Variants in HDAC8 observed in about 807,000 individuals in gnomAD.
The protein encoded by HDAC8 is histone deacetylase 8.
HDAC8 carries 1 observed loss-of-function variant against 32.2 expected under a neutral mutation model. That is an observed-to-expected ratio of 0.03 (90% CI 0.01 to 0.15). The LOEUF (loss-of-function observed/expected upper bound fraction) is 0.15, where lower values mean the gene tolerates loss of function less well. Among genes scored for constraint, HDAC8 ranks in the 10% least tolerant of loss-of-function variants. The pLI, the probability that HDAC8 is intolerant of heterozygous loss-of-function variation, is 1.00. For missense variants in HDAC8, 117 were observed against 300.0 expected (o/e 0.39, Z 4.51); for synonymous variants, 108 against 113.9 (o/e 0.95, Z 0.33).
chrX:72,356,482 C>T (rs2044367001), intron 9 of HDAC8, among the ~76,000 whole-genome samples: 1 of 111,999 alleles, frequency 8.9e-6, no homozygotes, highest in Admixed American at 9.4e-5. Context: ...TGTTTTGTTC[C>T]CTGCTGCATT....
chrX:72,431,840 T>C (rs1320075542), intron 9 of HDAC8, among the ~76,000 whole-genome samples: 1 of 112,268 alleles, frequency 8.9e-6, no homozygotes, highest in African/African-American at 3.2e-5. Flanking sequence ...TTACTAAGCA[T>C]TTATCAGCCA....
intron 4 of HDAC8, among the ~76,000 whole-genome samples, chrX:72,539,735 C>T (rs1569385626): frequency 2.7e-5 from 3 of 111,435 alleles, no homozygotes; most frequent in Non-Finnish European, 5.6e-5. Flanking sequence ...ACAAGAGCTC[C>T]GCACCCCCAA....
chrX:72,421,890 A>G (rs183850000), intron 9 of HDAC8, among the ~76,000 whole-genome samples: 1 of 111,980 alleles, frequency 8.9e-6, no homozygotes, highest in East Asian at 2.8e-4. Flanking sequence ...AATGTCTTAC[A>G]TTTTCACTCA....
chrX:72,572,599 G>GGCCCCC, intron 1 of HDAC8, 52 bp downstream of exon 1: 2 of 453,099 alleles, frequency 4.4e-6, no homozygotes, highest in African/African-American at 3.4e-5. Flanking sequence ...TTCGTCCACC[G>GGCCCCC]CCCCCACCCC....
intron 4 of HDAC8, among the ~76,000 whole-genome samples, chrX:72,556,297 G>A (rs1556093132): frequency 2.7e-5 from 3 of 111,300 alleles, no homozygotes; most frequent in African/African-American, 9.8e-5. Context: ...TGAAATAGAA[G>A]CTCCTTAAAG....
intron 7 of HDAC8, among the ~76,000 whole-genome samples, chrX:72,475,946 T>C (rs1180804324): frequency 1.8e-5 from 2 of 111,569 alleles, no homozygotes; most frequent in East Asian, 5.6e-4. Flanking sequence ...GAGTCTATTA[T>C]ATAGAAACAT....
At chrX:72,568,929 C>T (rs919609715) in intron 2 of HDAC8, 45 bp from the exon 3 acceptor site, 1 of 1,150,472 alleles carries the variant, frequency 8.7e-7, no homozygotes, top group Middle Eastern at 2.5e-4. Flanking sequence ...GAGTCAGACC[C>T]AGCGTATGCC....
intron 7 of HDAC8, chrX:72,468,030 G>C: frequency 8.5e-7 from 1 of 1,178,355 alleles, no homozygotes; most frequent in Non-Finnish European, 1.1e-6. Context: ...GTATTGAAAA[G>C]GTTGATAAGA....
chrX:72,423,655 C>T (rs1202951772), intron 9 of HDAC8, among the ~76,000 whole-genome samples: 2 of 112,511 alleles, frequency 1.8e-5, no homozygotes, highest in African/African-American at 6.5e-5. Context: ...CTTCCTTGGA[C>T]AATTTTTTTG....
chrX:72,569,596 G>T lies in HDAC8; in HGVS notation c.165-712C>A, dbSNP rs782025893. Among the ~76,000 whole-genome samples the T allele has an allele frequency of 4.4e-5, 5 of 112,510 alleles. No homozygotes were observed. In the East Asian group the frequency reaches 8.4e-4, roughly 19 times the overall value. On this transcript the variant is annotated intron_variant, in intron 2 of 10. Transcript: ENST00000373573. ...TCTGCCTCTGAGAGCGAGGCGAGAA[G>T]GGGCAAAATGGTTGGAACCGGACTT... is the stretch of plus-strand genomic sequence containing the variant.
intron 10 of HDAC8, chrX:72,351,238 C>A: frequency 4.9e-6 from 1 of 202,588 alleles, no homozygotes; most frequent in South Asian, 6.2e-5. Flanking sequence ...TATTTGGGAC[C>A]ACAGGCATAT....
At chrX:72,338,083 A>G (rs2043763654) in intron 10 of HDAC8, among the ~76,000 whole-genome samples, 1 of 111,681 alleles carries the variant, frequency 9.0e-6, no homozygotes, top group Non-Finnish European at 1.9e-5. Context: ...CTGTCACATG[A>G]TTCTGTTTTA....
chrX:72,339,691 G>C (rs897100655), intron 10 of HDAC8, among the ~76,000 whole-genome samples: 2 of 111,962 alleles, frequency 1.8e-5, no homozygotes, highest in Non-Finnish European at 3.8e-5. Context: ...GATTGTCAGG[G>C]AGCAGGGGAT....
intron 7 of HDAC8, among the ~76,000 whole-genome samples, chrX:72,484,395 T>C (rs1473526099): frequency 3.6e-5 from 4 of 112,158 alleles, no homozygotes; most frequent in African/African-American, 9.7e-5. Flanking sequence ...TTATAAGTCC[T>C]ATTTGTTGAG....
At chrX:72,415,640 A>G (rs2046311995) in intron 9 of HDAC8, among the ~76,000 whole-genome samples, 1 of 111,716 alleles carries the variant, frequency 9.0e-6, no homozygotes, top group African/African-American at 3.2e-5. Context: ...TATCCAGTAC[A>G]TGTTTTGTGA....
chrX:72,518,122 G>A (rs1168674915), intron 4 of HDAC8, among the ~76,000 whole-genome samples: 4 of 111,467 alleles, frequency 3.6e-5, no homozygotes, highest in East Asian at 5.6e-4. Context: ...CTTGATTTAG[G>A]TATAATTTAG....
intron 9 of HDAC8, among the ~76,000 whole-genome samples, chrX:72,415,688 T>C (rs2147911245): frequency 8.9e-6 from 1 of 112,194 alleles, no homozygotes; most frequent in South Asian, 3.7e-4. Flanking sequence ...AAAATCCAAT[T>C]GTGAATGGCT....
chrX:72,407,274 G>A (rs1555968973), intron 9 of HDAC8, among the ~76,000 whole-genome samples: 2 of 112,229 alleles, frequency 1.8e-5, no homozygotes, highest in Non-Finnish European at 3.8e-5. Flanking sequence ...CCTGCGCACT[G>A]GGAGGAGTGT....
intron 4 of HDAC8, among the ~76,000 whole-genome samples, chrX:72,562,324 T>C (rs1259781845): frequency 1.8e-5 from 2 of 112,545 alleles, no homozygotes; most frequent in Non-Finnish European, 3.7e-5. Flanking sequence ...ATGTTTTATA[T>C]ATACACCATG....
Sources: allele counts gnomAD v4.1 joint callset (sites outside exome capture counted in the v4.1 genomes callset), GRCh38; gene constraint gnomAD v4.1.1; transcripts MANE v1.5; gene names NCBI Gene and HGNC (gene_info 2026-07-23, HGNC 2026-07-21).